The following GPR39 variants were observed in gnomAD, a reference collection of about 807,000 sequenced individuals.
GPR39 encodes the protein zinc sensing receptor.
Under a neutral mutation model 18.4 loss-of-function variants are expected in GPR39, and 23 were observed. The ratio of observed to expected loss-of-function variants is 1.25; its 90% CI spans 0.90 to 1.77. The LOEUF is 1.77. Among genes scored for constraint, GPR39 ranks in the 40% most tolerant of loss-of-function variants. The pLI, the probability that GPR39 is intolerant of heterozygous loss-of-function variation, is 0.00. For synonymous variants in GPR39, 280 were observed against 257.9 expected (o/e 1.09, Z -0.82); for missense variants, 647 against 602.4 (o/e 1.07, Z -0.78).
intron 1 of GPR39, among the ~76,000 whole-genome samples, chr2:132,585,947 G>A (rs1281843803): frequency 2.4e-5 from 1 of 41,994 alleles, no homozygotes; most frequent in African/African-American, 1.0e-4. Context: ...AAGCATCCCC[G>A]GTTTTTTTTT....
At chr2:132,528,281 T>C (rs981402436) in intron 1 of GPR39, among the ~76,000 whole-genome samples, 7 of 152,206 alleles carry the variant, frequency 4.6e-5, no homozygotes, top group Non-Finnish European at 7.3e-5. Context: ...TCTGTTCCAT[T>C]GGTCTATATG....
intron 1 of GPR39, among the ~76,000 whole-genome samples, chr2:132,593,225 C>T (rs1479379606): frequency 6.6e-6 from 1 of 152,134 alleles, no homozygotes; most frequent in Non-Finnish European, 1.5e-5. Context: ...GGCCAGTGTT[C>T]ACTGGCATTT....
chr2:132,472,285 C>G (rs1300173185), intron 1 of GPR39, among the ~76,000 whole-genome samples: 1 of 152,192 alleles, frequency 6.6e-6, no homozygotes. Context: ...GATTTTCAAG[C>G]ATTGTGAGCC....
At chr2:132,533,923 T>G (rs1679692025) in intron 1 of GPR39, among the ~76,000 whole-genome samples, 1 of 152,200 alleles carries the variant, frequency 6.6e-6, no homozygotes, top group Non-Finnish European at 1.5e-5. Flanking sequence ...ATTCAGGACA[T>G]AGGCATGGGC....
intron 1 of GPR39, among the ~76,000 whole-genome samples, chr2:132,620,176 C>A (rs889645462): frequency 1.3e-5 from 2 of 152,160 alleles, no homozygotes; most frequent in African/African-American, 4.8e-5. Flanking sequence ...GTAAGCAACT[C>A]CCCAGGAGAA....
At chr2:132,560,388 C>G (rs1457900674) in intron 1 of GPR39, among the ~76,000 whole-genome samples, 3 of 152,170 alleles carry the variant, frequency 2.0e-5, no homozygotes, top group Non-Finnish European at 4.4e-5. Flanking sequence ...AACCTGGGTC[C>G]CCTTCCACTG....
At position 132,551,569 on chromosome 2, in the gene GPR39, G is replaced by T. The variant is rs1336797347; in HGVS notation, c.857-93532G>T. Among the ~76,000 whole-genome samples, 3 of 152,104 alleles carry T rather than the reference G, an allele frequency of 2.0e-5. No individual in the cohort carries two copies. In the East Asian group the frequency reaches 5.8e-4, roughly 29 times the overall value. The stretch of plus-strand genomic sequence containing the variant: ...CAAGGATGGGCAGTGGAAGGTTTTT[G>T]GTGTCTGATTCTGTCATCTCTTTAT... On this transcript the variant is annotated intron_variant, in intron 1 of 1. Coordinates refer to ENST00000329321, the MANE Select transcript of GPR39 (RefSeq NM_001508.3).
intron 1 of GPR39, among the ~76,000 whole-genome samples, chr2:132,460,253 T>A (rs913036285): frequency 3.9e-5 from 6 of 152,150 alleles, no homozygotes; most frequent in Non-Finnish European, 8.8e-5. Flanking sequence ...AGTAACTCAT[T>A]TAAGGTCATA....
At chr2:132,528,489 G>A (rs1679552418) in intron 1 of GPR39, among the ~76,000 whole-genome samples, 1 of 152,184 alleles carries the variant, frequency 6.6e-6, no homozygotes, top group Non-Finnish European at 1.5e-5. Context: ...AGTTTGATGG[G>A]AAGAGCATGG....
intron 1 of GPR39, chr2:132,606,129 C>T (rs929642692): frequency 6.6e-6 from 1 of 152,238 alleles, no homozygotes; most frequent in Non-Finnish European, 1.5e-5. Flanking sequence ...GGCCAAGGAC[C>T]TGCAAAATCA....
At chr2:132,451,931 T>C (rs1297680974) in intron 1 of GPR39, among the ~76,000 whole-genome samples, 1 of 152,216 alleles carries the variant, frequency 6.6e-6, no homozygotes, top group African/African-American at 2.4e-5. Context: ...CATTCAACTC[T>C]TGGGTGGCTG....
At chr2:132,561,839 C>G (rs894453303) in intron 1 of GPR39, among the ~76,000 whole-genome samples, 2 of 152,144 alleles carry the variant, frequency 1.3e-5, no homozygotes, top group Non-Finnish European at 2.9e-5. Context: ...TCAATGTCCC[C>G]CTCAAGCATT....
At chr2:132,601,271 A>G (rs1028491824) in intron 1 of GPR39, among the ~76,000 whole-genome samples, 1 of 152,190 alleles carries the variant, frequency 6.6e-6, no homozygotes, top group Non-Finnish European at 1.5e-5. Flanking sequence ...ACCCTGATCA[A>G]ATGGGATTCA....
At chr2:132,506,405 T>C (rs1271670239) in intron 1 of GPR39, among the ~76,000 whole-genome samples, 1 of 152,224 alleles carries the variant, frequency 6.6e-6, no homozygotes, top group Non-Finnish European at 1.5e-5. Context: ...TTTAATCTAA[T>C]ATGCTCCTAT....
chr2:132,456,433 A>G (rs559462657), intron 1 of GPR39, among the ~76,000 whole-genome samples: 31 of 152,008 alleles, frequency 2.0e-4, no homozygotes, highest in African/African-American at 6.8e-4. Flanking sequence ...TCTTTATCCA[A>G]TTTACCAGTG....
chr2:132,427,084 A>AAT (rs1220239876), intron 1 of GPR39, among the ~76,000 whole-genome samples: 2 of 145,588 alleles, frequency 1.4e-5, no homozygotes, highest in East Asian at 2.0e-4. Context: ...CTATATATAT[A>AAT]ATATACATAT....
chr2:132,558,420 T>C (rs1481668882), intron 1 of GPR39, among the ~76,000 whole-genome samples: 1 of 152,138 alleles, frequency 6.6e-6, no homozygotes, highest in Non-Finnish European at 1.5e-5. Flanking sequence ...CTGAGTCTCT[T>C]GACAAATTAT....
intron 1 of GPR39, among the ~76,000 whole-genome samples, chr2:132,628,842 GA>G (rs770581888): frequency 1.3e-5 from 2 of 151,826 alleles, no homozygotes; most frequent in Non-Finnish European, 2.9e-5. Context: ...ACACTTTAAT[GA>G]GATTCAGTTT....
intron 1 of GPR39, among the ~76,000 whole-genome samples, chr2:132,556,626 AG>A (rs1267334858): frequency 2.6e-5 from 4 of 152,178 alleles, no homozygotes; most frequent in African/African-American, 9.6e-5. Flanking sequence ...TGAGTCTTTG[AG>A]GTAGCTAAAG....
Sources: gnomAD v4.1 joint callset for allele counts (sites outside exome capture counted in the v4.1 genomes callset) on GRCh38, gnomAD v4.1.1 for gene constraint, MANE v1.5 for transcripts, NCBI Gene and HGNC (gene_info 2026-07-23, HGNC 2026-07-21) for gene names.